PCDHA2: variants seen among roughly 807,000 people sequenced by gnomAD.
PCDHA2 encodes the protein protocadherin alpha-2.
A neutral mutation model predicts 66.0 loss-of-function variants in PCDHA2; 58 were observed. The ratio of observed to expected loss-of-function variants is 0.88; its 90% CI spans 0.71 to 1.09. The LOEUF (loss-of-function observed/expected upper bound fraction) is 1.09. Ranked by LOEUF, PCDHA2 falls within the 50% of genes least tolerant of loss-of-function variation. The probability of loss-of-function intolerance (pLI) is 0.00; values close to 1 mark genes in which losing one functional copy is unlikely to be tolerated. For synonymous variants in PCDHA2, 634 were observed against 554.0 expected, an observed-to-expected ratio of 1.14 and a Z score of -2.03; for missense variants, 1,267 against 1,242.3, an observed-to-expected ratio of 1.02 and a Z score of -0.30.
intron 1 of PCDHA2, among the ~76,000 whole-genome samples, chr5:140,821,011 G>A (rs1766878568): frequency 6.6e-6 from 1 of 151,840 alleles, no homozygotes. Context: ...GGTTTTCATC[G>A]ATTTGAAAAT....
intron 1 of PCDHA2, among the ~76,000 whole-genome samples, chr5:140,881,132 T>C (rs1215831856): frequency 1.3e-5 from 2 of 152,218 alleles, no homozygotes; most frequent in African/African-American, 4.8e-5. Flanking sequence ...TTGGTAGAGA[T>C]AGTTATAACA....
At chr5:140,921,213 G>C (rs759293646) in intron 1 of PCDHA2, among the ~76,000 whole-genome samples, 2 of 151,378 alleles carry the variant, frequency 1.3e-5, no homozygotes, top group African/African-American at 2.4e-5. Flanking sequence ...GATAATTCAC[G>C]TCTTTTTTGC....
Position 140,843,081 on chromosome 5 carries a change from C to G in PCDHA2, c.2388+45729C>G, listed in dbSNP as rs2150352051. 5.6e-6 allele frequency: 9 copies of G among 1,595,424 alleles called. No homozygotes were observed. The African/African-American group carries it at 8.1e-5, about 14-fold the overall frequency. ...AAGCTGGTGCCGCGGTCTGTGGGCG[C>G]GGGCCACGTGGTAGCGAAGGTGCGC... On this transcript the variant is annotated intron_variant, in intron 1 of 3. Coordinates refer to ENST00000526136, the MANE Select transcript of PCDHA2 (RefSeq NM_018905.3).
At chr5:140,965,318 C>T (rs1397101710) in intron 1 of PCDHA2, among the ~76,000 whole-genome samples, 1 of 152,104 alleles carries the variant, frequency 6.6e-6, no homozygotes, top group Non-Finnish European at 1.5e-5. Flanking sequence ...TTCTCTTTTA[C>T]TGAAGTGAAT....
chr5:140,877,218 G>C (rs781819579), intron 1 of PCDHA2: 1 of 1,613,726 alleles, frequency 6.2e-7, no homozygotes, highest in South Asian at 1.1e-5. Context: ...AGTTGGTACC[G>C]CGGTCGGTGG....
At chr5:140,966,659 G>C in intron 1 of PCDHA2, 5 of 1,217,658 alleles carry the variant, frequency 4.1e-6, no homozygotes, top group Non-Finnish European at 5.3e-6. Context: ...AGCGGTGGGG[G>C]AGCAGGCGCA....
chr5:140,862,675 G>A, intron 1 of PCDHA2: 1 of 550,422 alleles, frequency 1.8e-6, no homozygotes, highest in South Asian at 1.4e-5. Context: ...GCAGGAGAAC[G>A]TGCTGGTGTC....
chr5:140,842,180 A>G lies in PCDHA2; in HGVS notation c.2388+44828A>G, dbSNP rs199588480. ...ATATTCTTTTAATAGCCTTGTTGAA[A>G]CTATGGTTATTGACCACTTTAGCAT... On this transcript the variant is annotated intron_variant, in intron 1 of 3. Coordinates refer to ENST00000526136, the MANE Select transcript of PCDHA2 (RefSeq NM_018905.3). The G allele has an allele frequency of 3.0e-4, 482 of 1,613,200 alleles. 6 individuals are homozygous for G. Among genetic ancestry groups the G allele is most frequent in the African/African-American group, 2.2e-3 (168 of 74,850 alleles).
At chr5:140,981,284 G>A (rs1554242765) in intron 2 of PCDHA2, among the ~76,000 whole-genome samples, 4 of 152,094 alleles carry the variant, frequency 2.6e-5, no homozygotes, top group Non-Finnish European at 5.9e-5. Context: ...GTTTAAAAGG[G>A]TCCTCTAGTC....
intron 1 of PCDHA2, chr5:140,829,855 C>A: frequency 6.2e-7 from 1 of 1,613,928 alleles, no homozygotes; most frequent in Non-Finnish European, 8.5e-7. Context: ...TGGGTGCAGG[C>A]CAAGTGGTGG....
intron 3 of PCDHA2, among the ~76,000 whole-genome samples, chr5:140,988,042 T>C (rs1365233473): frequency 1.3e-5 from 2 of 152,212 alleles, no homozygotes. Context: ...AGAATCTGTT[T>C]AGGAGCACTG....
intron 1 of PCDHA2, chr5:140,835,784 C>G: frequency 2.5e-6 from 4 of 1,613,220 alleles, no homozygotes; most frequent in Non-Finnish European, 3.4e-6. Flanking sequence ...TGAAGGAGAA[C>G]AACCCGCCGG....
intron 1 of PCDHA2, chr5:140,834,910 A>G (rs1379120626): frequency 6.3e-7 from 1 of 1,595,988 alleles, no homozygotes; most frequent in Non-Finnish European, 8.5e-7. Flanking sequence ...AGCCCCAATG[A>G]GTATTTCTTC....
intron 1 of PCDHA2, chr5:140,843,480 C>T (rs2150360983): frequency 2.5e-6 from 4 of 1,596,022 alleles, no homozygotes; most frequent in East Asian, 2.2e-5. Context: ...CTGTACACTG[C>T]GCTGCGGTGC....
rs2150140875 is a variant in PCDHA2 at position 140,825,709 on chromosome 5, A to T, written c.2388+28357A>T. The T allele has an allele frequency of 8.5e-5, 13 of 152,476 alleles. No homozygotes were observed. In the South Asian group the frequency reaches 2.7e-3, roughly 32 times the overall value. 9.4% of individuals were successfully genotyped at this position (152,476 alleles called of 1,614,324 possible). ...AGTGCTGGGATTGCAGGCATGAGCC[A>T]TCGCGCCTGGCCTAAATTATTATAT... On this transcript the variant is annotated intron_variant, in intron 1 of 3. Coordinates refer to ENST00000526136, the MANE Select transcript of PCDHA2 (RefSeq NM_018905.3).
At chr5:140,826,951 A>T (rs1261323205) in intron 1 of PCDHA2, among the ~76,000 whole-genome samples, 1 of 152,224 alleles carries the variant, frequency 6.6e-6, no homozygotes, top group Non-Finnish European at 1.5e-5. Flanking sequence ...GAATAAGGCA[A>T]GCCAGGGAAA....
chr5:140,972,218 C>A (rs367920234), intron 1 of PCDHA2, among the ~76,000 whole-genome samples: 129 of 152,040 alleles, frequency 8.5e-4, no homozygotes, highest in Middle Eastern at 3.4e-3. Flanking sequence ...TGGCTCACTG[C>A]AGCCTCGACC....
At chr5:140,898,664 G>C (rs1360946717) in intron 1 of PCDHA2, among the ~76,000 whole-genome samples, 1 of 152,190 alleles carries the variant, frequency 6.6e-6, no homozygotes, top group Non-Finnish European at 1.5e-5. Flanking sequence ...GATTGACTTG[G>C]TGTTGCGGGC....
intron 1 of PCDHA2, chr5:140,835,634 T>C (rs2150240136): frequency 3.1e-6 from 5 of 1,613,808 alleles, no homozygotes; most frequent in East Asian, 2.2e-5. Context: ...ACCGCGAGAG[T>C]GTGTCCGCCT....
Sources: gnomAD v4.1 joint callset for allele counts (sites outside exome capture counted in the v4.1 genomes callset) on GRCh38, gnomAD v4.1.1 for gene constraint, MANE v1.5 for transcripts, NCBI Gene and HGNC (gene_info 2026-07-23, HGNC 2026-07-21) for gene names.